PRKCQ: variants seen among roughly 807,000 people sequenced by gnomAD.
The protein encoded by PRKCQ is protein kinase C theta type.
A neutral mutation model predicts 91.2 loss-of-function variants in PRKCQ; 41 were observed. The ratio of observed to expected loss-of-function variants is 0.45; its 90% CI spans 0.35 to 0.58. The LOEUF is 0.58. PRKCQ is among the 20% of genes least tolerant of loss of function. The pLI, the probability that PRKCQ is intolerant of heterozygous loss-of-function variation, is 0.00. For missense variants in PRKCQ, 673 were observed against 896.5 expected, an observed-to-expected ratio of 0.75 and a Z score of 3.18; for synonymous variants, 307 against 316.9, an observed-to-expected ratio of 0.97 and a Z score of 0.33.
Position 6,456,821 on chromosome 10 carries a change from CA to C in PRKCQ, c.1509-10del. Reference sequence around the variant, plus strand: ...TATCTAGCTTCAGGTCCCTGAAAAACAAAAGTGAAGCAAATCTCACATTAAT... The same window carrying C: ...TATCTAGCTTCAGGTCCCTGAAAAACAAAGTGAAGCAAATCTCACATTAAT... On this transcript the variant is annotated splice_polypyrimidine_tract_variant and intron_variant, in intron 14 of 17. Coordinates refer to ENST00000263125, the MANE Select transcript of PRKCQ (RefSeq NM_006257.5). 1 of 1,613,240 alleles carries C rather than the reference CA, an allele frequency of 6.2e-7. No homozygotes were observed. Among genetic ancestry groups the C allele is most frequent in the Non-Finnish European group, 8.5e-7 (1 of 1,179,638 alleles).
At chr10:6,398,404 T>C in the PRKCQ span, among the ~76,000 whole-genome samples, 1 of 152,364 alleles carries the variant, frequency 6.6e-6, no homozygotes, top group African/African-American at 2.4e-5. Flanking sequence ...TGTTGGAAAA[T>C]ACTTTTAGAT....
intron 12 of PRKCQ, among the ~76,000 whole-genome samples, chr10:6,467,656 C>T (rs1253157321): frequency 3.3e-5 from 5 of 152,122 alleles, no homozygotes; most frequent in East Asian, 1.9e-4. Context: ...AAGCATCTGT[C>T]GAATGGAAAT....
At chr10:6,546,154 T>C (rs1016980949) in intron 1 of PRKCQ, among the ~76,000 whole-genome samples, 1 of 152,214 alleles carries the variant, frequency 6.6e-6, no homozygotes, top group Non-Finnish European at 1.5e-5. Flanking sequence ...GATATCTAAC[T>C]GCAAATGTTA....
At chr10:6,578,876 G>T (rs1476451818) in intron 1 of PRKCQ, among the ~76,000 whole-genome samples, 1 of 147,952 alleles carries the variant, frequency 6.8e-6, no homozygotes, top group Non-Finnish European at 1.5e-5. Context: ...ATATGAAGAT[G>T]ATGATTCACA....
At position 6,481,256 on chromosome 10, in the gene PRKCQ, T is replaced by C. The variant is rs892993477; in HGVS notation, c.1180-2091A>G. On this transcript the variant is annotated intron_variant, in intron 11 of 17. Transcript: ENST00000263125. ...CTTCCTTATTAACCTTATTCAAATG[T>C]GGAAATCCACATGGGAACAAAGAAA... 2.6e-5 allele frequency among the ~76,000 whole-genome samples: 4 copies of C among 152,350 alleles called. No individual in the cohort carries two copies. In the East Asian group the frequency reaches 5.8e-4, roughly 22 times the overall value.
intron 15 of PRKCQ, 42 bp from the exon 16 acceptor site, chr10:6,442,123 G>A: frequency 6.3e-7 from 1 of 1,577,384 alleles, no homozygotes. Context: ...CAGGAATGAG[G>A]CTGAGGAGTG....
chr10:6,401,140 T>G, the PRKCQ span, among the ~76,000 whole-genome samples: 1 of 152,242 alleles, frequency 6.6e-6, no homozygotes, highest in African/African-American at 2.4e-5. Context: ...ATTACTCTTG[T>G]CCTCACAGAA....
chr10:6,569,522 A>G (rs1446599540), intron 1 of PRKCQ, among the ~76,000 whole-genome samples: 3 of 152,130 alleles, frequency 2.0e-5, no homozygotes, highest in South Asian at 2.1e-4. Context: ...GGAGAACTTA[A>G]GAGCAGGGAG....
intron 8 of PRKCQ, 64 bp downstream of exon 8, chr10:6,491,619 G>A (rs1837306015): frequency 6.3e-7 from 1 of 1,586,234 alleles, no homozygotes; most frequent in Non-Finnish European, 8.6e-7. Flanking sequence ...CAGTTCCCCA[G>A]AAAGCCTTGC....
intron 1 of PRKCQ, among the ~76,000 whole-genome samples, chr10:6,515,791 GAACAA>G (rs58704296): frequency 0.11 from 17,154 of 151,990 alleles, 984 homozygotes; most frequent in Non-Finnish European, 0.13. Context: ...ATATAAGGAT[GAACAA>G]AATACTTCAT....
Position 6,428,028 on chromosome 10 carries a change from T to C in PRKCQ, c.*179A>G. ...GGAGACGAGACACACGGCATCGTCATTAGTGAAGTAGACTTGGTTTCTGCT... is the reference window on the plus strand; with the variant it reads ...GGAGACGAGACACACGGCATCGTCACTAGTGAAGTAGACTTGGTTTCTGCT... On this transcript the variant is annotated 3_prime_UTR_variant, in exon 18 of 18. Coordinates refer to ENST00000263125, the MANE Select transcript of PRKCQ (RefSeq NM_006257.5). 1 of 698,756 alleles carries C rather than the reference T, an allele frequency of 1.4e-6. No individual in the cohort carries two copies. The highest frequency in any genetic ancestry group is 2.4e-6 in the Non-Finnish European group (1 of 424,950). The allele number at this position is 698,756 out of a possible 1,614,324, so 43.3% of individuals were successfully genotyped here.
At chr10:6,460,815 C>T (rs1185911971) in intron 14 of PRKCQ, among the ~76,000 whole-genome samples, 1 of 103,872 alleles carries the variant, frequency 9.6e-6, no homozygotes, top group South Asian at 2.6e-4. Flanking sequence ...TATCTCCCCA[C>T]CCATCCATCA....
intron 8 of PRKCQ, among the ~76,000 whole-genome samples, chr10:6,487,622 C>T (rs1338192234): frequency 6.6e-6 from 1 of 152,164 alleles, no homozygotes; most frequent in Non-Finnish European, 1.5e-5. Context: ...CAAGAGATCC[C>T]TCTTGGACTG....
chr10:6,508,350 G>A (rs969075807), intron 3 of PRKCQ, among the ~76,000 whole-genome samples: 1 of 152,206 alleles, frequency 6.6e-6, no homozygotes, highest in Non-Finnish European at 1.5e-5. Context: ...TTATCCACGT[G>A]AGCCGGAGTA....
chr10:6,570,730 T>G (rs1841012726), intron 1 of PRKCQ, among the ~76,000 whole-genome samples: 1 of 152,028 alleles, frequency 6.6e-6, no homozygotes, highest in South Asian at 2.1e-4. Flanking sequence ...AATTTTTGTA[T>G]TTTTAGTAGA....
intron 14 of PRKCQ, 59 bp downstream of exon 14, chr10:6,462,244 A>C: frequency 6.6e-7 from 1 of 1,506,244 alleles, no homozygotes; most frequent in Non-Finnish European, 9.2e-7. Flanking sequence ...GCAATGATTA[A>C]ATTAACTGAG....
At position 6,515,544 on chromosome 10, in the gene PRKCQ, C is replaced by T. The variant is rs553126596; in HGVS notation, c.-9-400G>A. The stretch of plus-strand genomic sequence containing the variant: ...AATCAGAAAATGAGTTTATATAGAG[C>T]GAGTCTATTTTAGTCACACTAGTTA... On this transcript the variant is annotated intron_variant, in intron 1 of 17. Transcript: ENST00000263125. 1.2e-5 allele frequency: 12 copies of T among 976,978 alleles called. No homozygotes were observed. The South Asian group carries it at 1.4e-4, about 12-fold the overall frequency. The allele number at this position is 976,978 out of a possible 1,614,324, so 60.5% of individuals were successfully genotyped here.
chr10:6,482,422 G>A lies in PRKCQ; in HGVS notation c.1179+1018C>T, dbSNP rs897889762. On this transcript the variant is annotated intron_variant, in intron 11 of 17. Transcript: ENST00000263125. Reference sequence around the variant, plus strand: ...ACCAGCCTGGGCAACACAGTGAGACGTCATCTCAAAAAAGGAGAACACTTG... The same window carrying A: ...ACCAGCCTGGGCAACACAGTGAGACATCATCTCAAAAAAGGAGAACACTTG... Among the ~76,000 whole-genome samples the A allele has an allele frequency of 3.9e-5, 6 of 152,072 alleles. No homozygotes were observed. In the East Asian group the frequency reaches 5.8e-4, roughly 15 times the overall value.
chr10:6,540,166 T>C (rs1287084919), intron 1 of PRKCQ, among the ~76,000 whole-genome samples: 1 of 152,224 alleles, frequency 6.6e-6, no homozygotes, highest in African/African-American at 2.4e-5. Flanking sequence ...AGTTTGCTTT[T>C]TGTACTAGTT....
Sources: gnomAD v4.1 joint callset for allele counts (sites outside exome capture counted in the v4.1 genomes callset) on GRCh38, gnomAD v4.1.1 for gene constraint, MANE v1.5 for transcripts, NCBI Gene and HGNC (gene_info 2026-07-23, HGNC 2026-07-21) for gene names.